PDE8A: variants seen among roughly 807,000 people sequenced by gnomAD.
PDE8A encodes phosphodiesterase 8A.
In PDE8A, 59 loss-of-function variants were observed where a neutral mutation model predicts 105.0. That is an observed-to-expected ratio of 0.56 (90% CI 0.46 to 0.70). The LOEUF is 0.70. PDE8A is among the 30% of genes least tolerant of loss of function. The probability of loss-of-function intolerance (pLI) is 0.00; values close to 1 mark genes in which losing one functional copy is unlikely to be tolerated. For missense variants in PDE8A, 1,014 were observed against 1,045.9 expected, an observed-to-expected ratio of 0.97 and a Z score of 0.42; for synonymous variants, 355 against 371.9, an observed-to-expected ratio of 0.95 and a Z score of 0.52.
chr15:84,983,277 C>T (rs1292316816), intron 1 of PDE8A, among the ~76,000 whole-genome samples: 3 of 152,232 alleles, frequency 2.0e-5, no homozygotes, highest in Non-Finnish European at 4.4e-5. Context: ...AAGACAACAA[C>T]AACAAAATTC....
intron 1 of PDE8A, among the ~76,000 whole-genome samples, chr15:85,017,979 G>A (rs1418800171): frequency 6.6e-6 from 1 of 151,782 alleles, no homozygotes; most frequent in East Asian, 1.9e-4. Flanking sequence ...ATATGCCCAG[G>A]ATGGTGGTGG....
chr15:84,992,708 G>A (rs1359797451), intron 1 of PDE8A, among the ~76,000 whole-genome samples: 1 of 152,150 alleles, frequency 6.6e-6, no homozygotes, highest in East Asian at 1.9e-4. Flanking sequence ...ACTGACTAGT[G>A]ACAAATTGGA....
intron 1 of PDE8A, among the ~76,000 whole-genome samples, chr15:85,011,912 T>G (rs1303144100): frequency 1.3e-5 from 2 of 152,078 alleles, no homozygotes; most frequent in Non-Finnish European, 2.9e-5. Context: ...CTTCTCAAAT[T>G]AAGACATTTA....
At chr15:85,035,509 C>T (rs954633814) in intron 1 of PDE8A, among the ~76,000 whole-genome samples, 3 of 151,770 alleles carry the variant, frequency 2.0e-5, no homozygotes, top group African/African-American at 7.3e-5. Context: ...CGCGCCGGGC[C>T]CTGAGTATTA....
At chr15:85,067,805 A>T (rs950172423) in intron 3 of PDE8A, among the ~76,000 whole-genome samples, 1 of 152,212 alleles carries the variant, frequency 6.6e-6, no homozygotes. Context: ...TGACAAGCAA[A>T]TGACAACATA....
chr15:85,100,421 G>A (rs1434343475), intron 11 of PDE8A, among the ~76,000 whole-genome samples: 1 of 152,242 alleles, frequency 6.6e-6, no homozygotes, highest in African/African-American at 2.4e-5. Context: ...CTCTGAGCCT[G>A]CGAGGGAAAG....
chr15:84,983,660 C>T (rs2079756580), intron 1 of PDE8A, among the ~76,000 whole-genome samples: 1 of 152,176 alleles, frequency 6.6e-6, no homozygotes, highest in Non-Finnish European at 1.5e-5. Flanking sequence ...CAGTGTTAAG[C>T]TGTGTGTTAA....
At chr15:85,134,762 C>T (rs1421920079) in intron 20 of PDE8A, among the ~76,000 whole-genome samples, 1 of 152,196 alleles carries the variant, frequency 6.6e-6, no homozygotes, top group Non-Finnish European at 1.5e-5. Context: ...GCCTGCTTCT[C>T]TCAAGTAGAG....
At chr15:85,083,965 C>G (rs777190754) in intron 6 of PDE8A, among the ~76,000 whole-genome samples, 85 of 152,034 alleles carry the variant, frequency 5.6e-4, no homozygotes, top group Non-Finnish European at 1.1e-3. Flanking sequence ...TACACCCCCC[C>G]AATCTATTAA....
At chr15:84,992,425 C>T (rs935856216) in intron 1 of PDE8A, among the ~76,000 whole-genome samples, 17 of 152,066 alleles carry the variant, frequency 1.1e-4, no homozygotes, top group Admixed American at 8.5e-4. Flanking sequence ...AGAGATAGGA[C>T]GGGAGGTCTA....
At chr15:85,012,280 A>G (rs2080251512) in intron 1 of PDE8A, among the ~76,000 whole-genome samples, 1 of 152,220 alleles carries the variant, frequency 6.6e-6, no homozygotes. Context: ...TCACAATAGC[A>G]AAGACTTGGA....
intron 2 of PDE8A, among the ~76,000 whole-genome samples, chr15:85,066,185 A>T (rs1325037567): frequency 6.6e-6 from 1 of 152,198 alleles, no homozygotes; most frequent in East Asian, 1.9e-4. Flanking sequence ...ATAAATATTA[A>T]TGTGTTTTAA....
intron 1 of PDE8A, among the ~76,000 whole-genome samples, chr15:85,024,774 C>T (rs78881830): frequency 0.014 from 2,167 of 152,234 alleles, 32 homozygotes; most frequent in Non-Finnish European, 0.018. Flanking sequence ...CGGACTTGTT[C>T]ATTCTAGTTT....
chr15:85,110,619 C>T (rs1259552835), intron 12 of PDE8A, among the ~76,000 whole-genome samples: 1 of 152,198 alleles, frequency 6.6e-6, no homozygotes, highest in Non-Finnish European at 1.5e-5. Context: ...TTAGGTATGT[C>T]ATAGTTCCTT....
intron 1 of PDE8A, chr15:85,063,563 A>G (rs1260834958): frequency 6.6e-6 from 1 of 152,202 alleles, no homozygotes; most frequent in East Asian, 1.9e-4. Context: ...AGTTTACAGC[A>G]CAGTGTATGG....
chr15:85,047,999 T>C (rs2080913906), intron 1 of PDE8A, among the ~76,000 whole-genome samples: 1 of 152,226 alleles, frequency 6.6e-6, no homozygotes, highest in African/African-American at 2.4e-5. Flanking sequence ...AGTGTACTTA[T>C]TTTGTGACAA....
chr15:84,997,744 CACCA>C (rs2080003163), intron 1 of PDE8A, among the ~76,000 whole-genome samples: 1 of 152,140 alleles, frequency 6.6e-6, no homozygotes, highest in Non-Finnish European at 1.5e-5. Context: ...AGGTGCATGC[CACCA>C]TGCCAGGCTA....
chr15:85,032,454 C>G (rs2080631266), intron 1 of PDE8A, among the ~76,000 whole-genome samples: 1 of 152,026 alleles, frequency 6.6e-6, no homozygotes, highest in Non-Finnish European at 1.5e-5. Context: ...TAAAAAGAAC[C>G]CTTGGTTACC....
At chr15:85,113,740 A>C (rs2082053020) in intron 13 of PDE8A, 133 bp from the exon 14 acceptor site, 1 of 708,400 alleles carries the variant, frequency 1.4e-6, no homozygotes, top group African/African-American at 1.8e-5. Flanking sequence ...GGCTAGTCTC[A>C]AACTCCTGGG....
Sources: gnomAD v4.1 joint callset for allele counts (sites outside exome capture counted in the v4.1 genomes callset) on GRCh38, gnomAD v4.1.1 for gene constraint, MANE v1.5 for transcripts, NCBI Gene and HGNC (gene_info 2026-07-23, HGNC 2026-07-21) for gene names.